EXOC2: variants seen among roughly 807,000 people sequenced by gnomAD.
EXOC2 encodes the protein exocyst complex component 2, also known as SEC5-like 1.
EXOC2 carries 70 observed loss-of-function variants against 131.8 expected under a neutral mutation model. The ratio of observed to expected loss-of-function variants is 0.53; its 90% CI spans 0.44 to 0.65. The LOEUF (loss-of-function observed/expected upper bound fraction) is 0.65, where lower values mean the gene tolerates loss of function less well. Ranked by LOEUF, EXOC2 falls within the 30% of genes least tolerant of loss-of-function variation. The pLI is 0.00. For synonymous variants in EXOC2, 411 were observed against 398.4 expected, an observed-to-expected ratio of 1.03 and a Z score of -0.38; for missense variants, 923 against 1,108.6, an observed-to-expected ratio of 0.83 and a Z score of 2.38.
rs142747958 is a variant in EXOC2 at position 621,288 on chromosome 6, C to T, written c.423-1745G>A. 3.0e-3 allele frequency among the ~76,000 whole-genome samples: 453 copies of T among 152,324 alleles called. 1 individual carries two copies. The highest frequency in any genetic ancestry group is 0.01 in the African/African-American group (425 of 41,584). On this transcript the variant is annotated intron_variant, in intron 4 of 27. Transcript: ENST00000230449. Reference sequence around the variant, plus strand: ...AGGCCTCAGTGAAGACGGTCACATGCTCTGCATCCTCCCACTTCATGGCCT... The same window carrying T: ...AGGCCTCAGTGAAGACGGTCACATGTTCTGCATCCTCCCACTTCATGGCCT...
intron 25 of EXOC2, among the ~76,000 whole-genome samples, chr6:491,592 G>A (rs1325719672): frequency 6.6e-6 from 1 of 152,262 alleles, no homozygotes; most frequent in Non-Finnish European, 1.5e-5. Context: ...GGCTTGGCAT[G>A]CTTCCTGACA....
At chr6:535,328 G>A (rs892772777) in intron 22 of EXOC2, among the ~76,000 whole-genome samples, 4 of 151,970 alleles carry the variant, frequency 2.6e-5, no homozygotes, top group Non-Finnish European at 4.4e-5. Flanking sequence ...TTCAACTACC[G>A]TACTCCAATC....
At chr6:578,952 T>C (rs1321835117) in intron 11 of EXOC2, among the ~76,000 whole-genome samples, 1 of 152,148 alleles carries the variant, frequency 6.6e-6, no homozygotes, top group East Asian at 1.9e-4. Context: ...TTTTCTAACA[T>C]ACTTTAAAGA....
intron 20 of EXOC2, among the ~76,000 whole-genome samples, 182 bp from the exon 21 acceptor site, chr6:554,102 T>C (rs2476845): frequency 0.95 from 144,940 of 152,010 alleles, 69,196 homozygotes; most frequent in East Asian, 1. Flanking sequence ...GTGCAAATGG[T>C]GCGTTCTTGG....
chr6:624,139 T>C (rs1361285633), intron 4 of EXOC2, among the ~76,000 whole-genome samples: 1 of 148,454 alleles, frequency 6.7e-6, no homozygotes, highest in Non-Finnish European at 1.5e-5. Flanking sequence ...ACCTCAAAAA[T>C]GTGAAATAAA....
chr6:501,293 ATATCTATAT>A (rs1764121219), intron 23 of EXOC2, among the ~76,000 whole-genome samples: 1 of 8,038 alleles, frequency 1.2e-4, no homozygotes, highest in Non-Finnish European at 2.6e-4. Context: ...TATATTATAT[ATATCTATAT>A]ATTATATATA....
intron 22 of EXOC2, among the ~76,000 whole-genome samples, chr6:533,869 C>T (rs1379286966): frequency 6.6e-6 from 1 of 152,174 alleles, no homozygotes; most frequent in Non-Finnish European, 1.5e-5. Context: ...CTGCAACGAA[C>T]TACAGTGAAA....
chr6:656,977 AG>A, intron 1 of EXOC2: 1 of 1,483,894 alleles, frequency 6.7e-7, no homozygotes, highest in Admixed American at 2.2e-5. Context: ...GGGGCCTCTG[AG>A]GGGGATTCCG....
intron 6 of EXOC2, among the ~76,000 whole-genome samples, chr6:613,677 A>G (rs977507382): frequency 6.6e-6 from 1 of 152,182 alleles, no homozygotes; most frequent in Admixed American, 6.5e-5. Flanking sequence ...CCAGAATGGC[A>G]GGAAAACAGA....
In EXOC2 at chr6:677,765, C is replaced by T. The variant is rs188885796; in HGVS notation, c.-44+15254G>A. Among the ~76,000 whole-genome samples the T allele has an allele frequency of 2.4e-3, 358 of 152,298 alleles. 3 individuals are homozygous for T. Among genetic ancestry groups the T allele is most frequent in the African/African-American group, 8.3e-3 (344 of 41,552 alleles). On this transcript the variant is annotated intron_variant, in intron 1 of 27. Transcript: ENST00000230449. ...TACAGGCATGAGCCACTGCGCCCAG[C>T]CTTATCCAAGTACTTTTCTATGTTC...
At chr6:690,653 A>C (rs1169706678) in intron 1 of EXOC2, among the ~76,000 whole-genome samples, 1 of 152,228 alleles carries the variant, frequency 6.6e-6, no homozygotes, top group Non-Finnish European at 1.5e-5. Context: ...CACTGAGCAG[A>C]GATCTCGCCA....
chr6:618,552 G>A (rs1561932366), intron 5 of EXOC2, among the ~76,000 whole-genome samples: 1 of 152,208 alleles, frequency 6.6e-6, no homozygotes, highest in Non-Finnish European at 1.5e-5. Flanking sequence ...CATCTGTAAT[G>A]TAAAATCAGA....
At chr6:604,606 G>C (rs3823139) in intron 7 of EXOC2, among the ~76,000 whole-genome samples, 13,612 of 152,144 alleles carry the variant, frequency 0.089, 1,044 homozygotes, top group African/African-American at 0.21. Flanking sequence ...CAGTTCGTCA[G>C]GGGCAGACCT....
At chr6:592,659 G>T in intron 10 of EXOC2, 72 bp from the exon 11 acceptor site, 1 of 1,154,514 alleles carries the variant, frequency 8.7e-7, no homozygotes, top group Non-Finnish European at 1.3e-6. Flanking sequence ...CTTTTTAAAG[G>T]CTAAAATTTT....
intron 23 of EXOC2, among the ~76,000 whole-genome samples, chr6:526,307 A>C (rs1765733567): frequency 6.6e-6 from 1 of 152,196 alleles, no homozygotes; most frequent in Non-Finnish European, 1.5e-5. Flanking sequence ...ATGGTATTTT[A>C]AATTACATTC....
At chr6:645,238 T>TAA (rs536703571) in intron 1 of EXOC2, among the ~76,000 whole-genome samples, 2 of 121,626 alleles carry the variant, frequency 1.6e-5, no homozygotes, top group Non-Finnish European at 1.8e-5. Context: ...GATAGCTACA[T>TAA]AAAAAAAAAA....
At chr6:686,111 G>A (rs966990080) in intron 1 of EXOC2, among the ~76,000 whole-genome samples, 1 of 151,680 alleles carries the variant, frequency 6.6e-6, no homozygotes, top group South Asian at 2.1e-4. Context: ...ACAGGCATGC[G>A]CCACCATGCC....
Position 629,905 on chromosome 6 carries a change from T to C in EXOC2, c.352A>G (p.Thr118Ala). ...VDEMNYYDMR[T>A]DRNKGIPPLS... ...GGCGGAATTCCTTTGTTCCTGTCAG[T>C]GCGCATATCATAATAATTCATTTCA... Residue 118 changes from threonine (T) to alanine (A), a missense_variant, in exon 4 of 28, where the codon ACT becomes GCT. Coordinates refer to ENST00000230449, the MANE Select transcript of EXOC2 (RefSeq NM_018303.6). 2 of 1,614,172 alleles carry C rather than the reference T, an allele frequency of 1.2e-6. No individual in the cohort carries two copies. Among genetic ancestry groups the C allele is most frequent in the East Asian group, 2.2e-5 (1 of 44,876 alleles).
intron 24 of EXOC2, among the ~76,000 whole-genome samples, chr6:499,294 C>A (rs1294439487): frequency 6.6e-6 from 1 of 152,160 alleles, no homozygotes; most frequent in African/African-American, 2.4e-5. Flanking sequence ...GAGGTTAATT[C>A]ATTTTCCAAG....
Sources: allele counts gnomAD v4.1 joint callset (sites outside exome capture counted in the v4.1 genomes callset), GRCh38; gene constraint gnomAD v4.1.1; transcripts MANE v1.5; gene names NCBI Gene and HGNC (gene_info 2026-07-23, HGNC 2026-07-21).